ZC3H12D: variants seen among roughly 807,000 people sequenced by gnomAD.
ZC3H12D encodes probable ribonuclease ZC3H12D.
ZC3H12D carries 11 observed loss-of-function variants against 24.2 expected under a neutral mutation model. That is an observed-to-expected ratio of 0.46 (90% CI 0.29 to 0.75). The LOEUF is 0.75. ZC3H12D is among the 30% of genes least tolerant of loss of function. The pLI, the probability that ZC3H12D is intolerant of heterozygous loss-of-function variation, is 0.11. For synonymous variants in ZC3H12D, 333 were observed against 341.8 expected (o/e 0.97, Z 0.28); for missense variants, 740 against 767.7 (o/e 0.96, Z 0.43).
chr6:149,472,312 G>A (rs1776258696), intron 2 of ZC3H12D, among the ~76,000 whole-genome samples: 4 of 152,268 alleles, frequency 2.6e-5, no homozygotes, highest in Admixed American at 2.0e-4. Context: ...TGGGATCCAG[G>A]GAAGAGGGAG....
intron 4 of ZC3H12D, among the ~76,000 whole-genome samples, chr6:149,454,682 T>C (rs56862190): frequency 0.015 from 2,352 of 152,308 alleles, 56 homozygotes; most frequent in South Asian, 0.11. Flanking sequence ...GGCAGGCCCT[T>C]AACGGAGGCC....
At chr6:149,469,512 C>G (rs1310431496) in intron 2 of ZC3H12D, among the ~76,000 whole-genome samples, 1 of 152,110 alleles carries the variant, frequency 6.6e-6, no homozygotes, top group Admixed American at 6.5e-5. Flanking sequence ...ATGCTCTTCC[C>G]ACACACCATG....
chr6:149,461,090 C>T (rs1776065180), intron 3 of ZC3H12D, among the ~76,000 whole-genome samples: 1 of 152,190 alleles, frequency 6.6e-6, no homozygotes, highest in East Asian at 1.9e-4. Context: ...CGCCTCTAAT[C>T]CCAGCACTTT....
Position 149,451,031 on chromosome 6 carries a change from C to T in ZC3H12D, c.1236G>A (p.Gln412=), listed in dbSNP as rs1412829473. ...CCCTAGGGCGGTGTTCGCCCCGCGGCTGGAGCTGCAGGCCGGGCGGAGGCG... is the reference window on the plus strand; with the variant it reads ...CCCTAGGGCGGTGTTCGCCCCGCGGTTGGAGCTGCAGGCCGGGCGGAGGCG... ...DLPPPPGLQL[Q]PRGEHRPRDL... Residue 412 remains glutamine (Q), a synonymous_variant, in exon 6 of 6, where the codon CAG becomes CAA. Transcript: ENST00000409806. The T allele has an allele frequency of 6.9e-7, 1 of 1,440,746 alleles. No homozygotes were observed. The highest frequency in any genetic ancestry group is 9.1e-7 in the Non-Finnish European group (1 of 1,102,842). The allele number at this position is 1,440,746 out of a possible 1,614,324, so 89.2% of individuals were successfully genotyped here.
intron 2 of ZC3H12D, among the ~76,000 whole-genome samples, chr6:149,464,069 G>A (rs570284137): frequency 1.6e-4 from 25 of 152,334 alleles, no homozygotes; most frequent in African/African-American, 6.0e-4. Context: ...CAATAGCTGA[G>A]GCCACAGCAT....
chr6:149,478,676 G>A (rs959321433), intron 1 of ZC3H12D, among the ~76,000 whole-genome samples: 3 of 152,012 alleles, frequency 2.0e-5, no homozygotes, highest in East Asian at 3.9e-4. Context: ...CACCATGTAG[G>A]TGACCTATAG....
chr6:149,464,020 T>G (rs1776115178), intron 2 of ZC3H12D, among the ~76,000 whole-genome samples: 1 of 152,184 alleles, frequency 6.6e-6, no homozygotes, highest in Admixed American at 6.5e-5. Flanking sequence ...TCAGTGGAGA[T>G]GTCTGAGTGA....
In ZC3H12D at chr6:149,452,791, G is replaced by T; in HGVS notation, c.681-69C>A. On this transcript the variant is annotated intron_variant, in intron 4 of 5. Transcript: ENST00000409806. The surrounding 1 kb of genome is among the most constrained non-coding windows in gnomAD (Gnocchi z 4.0). ...TGCCACCAGCACCTGTACAAAGGGA[G>T]CAGGCCCAAGTTCCCCAAGAACACC... 3 of 1,383,024 alleles carry T rather than the reference G, an allele frequency of 2.2e-6. No individual in the cohort carries two copies. Among genetic ancestry groups the T allele is most frequent in the Non-Finnish European group, 3.0e-6 (3 of 1,007,984 alleles). The allele number at this position is 1,383,024 out of a possible 1,614,324, so 85.7% of individuals were successfully genotyped here. A position where few individuals can be genotyped will look rare whatever the true frequency, so the allele number is the denominator to read the frequency against.
intron 4 of ZC3H12D, among the ~76,000 whole-genome samples, chr6:149,455,534 C>T (rs894929609): frequency 6.6e-6 from 1 of 152,200 alleles, no homozygotes; most frequent in African/African-American, 2.4e-5. Context: ...TCCAGACCCT[C>T]ATCCACCTTG....
At chr6:149,465,051 T>C (rs1776129834) in intron 2 of ZC3H12D, among the ~76,000 whole-genome samples, 2 of 152,172 alleles carry the variant, frequency 1.3e-5, no homozygotes. Context: ...AAGATTAGGA[T>C]AGTCACAAGT....
rs996864904 is a variant in ZC3H12D at position 149,448,775 on chromosome 6, T to G, written c.*1908A>C. ...CAGAGAAAAACCTAACATCACTGTA[T>G]GCCCCAGGGGTGTCATTTACCATGA... On this transcript the variant is annotated 3_prime_UTR_variant, in exon 6 of 6. Transcript: ENST00000409806. The G allele has an allele frequency of 6.6e-6, 1 of 152,220 alleles. No homozygotes were observed. Among genetic ancestry groups the G allele is most frequent in the East Asian group, 1.9e-4 (1 of 5,206 alleles). 9.4% of individuals were successfully genotyped at this position (152,220 alleles called of 1,614,324 possible).
intron 1 of ZC3H12D, among the ~76,000 whole-genome samples, chr6:149,484,261 T>A (rs181856776): frequency 6.6e-6 from 1 of 152,302 alleles, no homozygotes; most frequent in Non-Finnish European, 1.5e-5. Flanking sequence ...CAGATTAACA[T>A]TTAGTTCAGT....
Position 149,456,616 on chromosome 6 carries a change from G to GGGTCAGGGCCC in ZC3H12D, c.680+49_680+50insGGGCCCTGACC. 1 of 1,130,408 alleles carries GGGTCAGGGCCC rather than the reference G, an allele frequency of 8.8e-7. No individual in the cohort carries two copies. Among genetic ancestry groups the GGGTCAGGGCCC allele is most frequent in the Non-Finnish European group, 1.3e-6 (1 of 763,262 alleles). The allele number at this position is 1,130,408 out of a possible 1,614,324, so 70.0% of individuals were successfully genotyped here. A position where few individuals can be genotyped will look rare whatever the true frequency, so the allele number is the denominator to read the frequency against. On this transcript the variant is annotated intron_variant, in intron 4 of 5. Coordinates refer to ENST00000409806, the MANE Select transcript of ZC3H12D (RefSeq NM_207360.3). The surrounding 1 kb of genome is among the most constrained non-coding windows in gnomAD (Gnocchi z 4.3). The stretch of plus-strand genomic sequence containing the variant: ...AGGCGTGGCCACTGCCTCGACCCCG[G>GGGTCAGGGCCC]CCCCCCGCCCCGCCGCCCCCCAGGG...
chr6:149,474,664 C>A, intron 1 of ZC3H12D, 51 bp from the exon 2 acceptor site: 2 of 969,634 alleles, frequency 2.1e-6, no homozygotes, highest in Non-Finnish European at 2.8e-6. Context: ...CAGACTGGGG[C>A]AAGGGCAAGG....
intron 2 of ZC3H12D, among the ~76,000 whole-genome samples, chr6:149,468,247 C>T (rs1234514961): frequency 6.6e-6 from 1 of 152,186 alleles, no homozygotes; most frequent in Non-Finnish European, 1.5e-5. Context: ...TCCCAAAGTG[C>T]TAGGATTACA....
chr6:149,463,205 T>C (rs779809255), intron 2 of ZC3H12D, among the ~76,000 whole-genome samples: 13 of 152,202 alleles, frequency 8.5e-5, no homozygotes, highest in African/African-American at 1.4e-4. Flanking sequence ...AAATGTGTTA[T>C]TGGGTTTCCC....
In ZC3H12D at chr6:149,450,876, C is replaced by T. The variant is rs1199008027; in HGVS notation, c.1391G>A (p.Gly464Glu). The T allele has an allele frequency of 1.3e-6, 2 of 1,541,742 alleles. No homozygotes were observed. Among genetic ancestry groups the T allele is most frequent in the Admixed American group, 2.0e-5 (1 of 50,954 alleles). The change falls in exon 6 of 6, where the codon GGA becomes GAA. Residue 464 changes from glycine (G) to glutamate (E), a missense_variant. Transcript: ENST00000409806. ...EPAWGDGATG[G>E]LSVYATEDDE... ...GTCCTCGGTCGCGTACACTGAAAGTCCCCCAGTGGCGCCGTCGCCCCAGGC... is the reference window on the plus strand; with the variant it reads ...GTCCTCGGTCGCGTACACTGAAAGTTCCCCAGTGGCGCCGTCGCCCCAGGC...
Position 149,456,622 on chromosome 6 carries a change from C to CCCCCCCCCCCCCCCCCCCGGGTTCAG in ZC3H12D, c.680+43_680+44insCTGAACCCGGGGGGGGGGGGGGGGGG. The CCCCCCCCCCCCCCCCCCCGGGTTCAG allele has an allele frequency of 7.6e-7, 1 of 1,314,360 alleles. No homozygotes were observed. Among genetic ancestry groups the CCCCCCCCCCCCCCCCCCCGGGTTCAG allele is most frequent in the Non-Finnish European group, 1.1e-6 (1 of 921,308 alleles). The allele number at this position is 1,314,360 out of a possible 1,614,324, so 81.4% of individuals were successfully genotyped here. On this transcript the variant is annotated intron_variant, in intron 4 of 5. Transcript: ENST00000409806. This position sits in a 1 kb window ranked among gnomAD's most constrained non-coding sequence, Gnocchi z 4.3. ...GGCCACTGCCTCGACCCCGGCCCCC[C>CCCCCCCCCCCCCCCCCCCGGGTTCAG]GCCCCGCCGCCCCCCAGGGTGTCAG...
At chr6:149,476,238 G>A (rs1171814517) in intron 1 of ZC3H12D, among the ~76,000 whole-genome samples, 3 of 152,212 alleles carry the variant, frequency 2.0e-5, no homozygotes, top group Admixed American at 1.3e-4. Context: ...CGGGCGCAGT[G>A]GCTCATGCCC....
Sources: allele counts gnomAD v4.1 joint callset (sites outside exome capture counted in the v4.1 genomes callset), GRCh38; gene constraint gnomAD v4.1.1; non-coding constraint Gnocchi (gnomAD v3.1); transcripts MANE v1.5; gene names NCBI Gene and HGNC (gene_info 2026-07-23, HGNC 2026-07-21).